The following LANCL2 variants were observed in gnomAD, a reference collection of about 807,000 sequenced individuals.
The protein encoded by LANCL2 is LanC like glutathione S-transferase 2, also known as lanC-like protein 2.
Under a neutral mutation model 56.9 loss-of-function variants are expected in LANCL2, and 33 were observed. The ratio of observed to expected loss-of-function variants is 0.58; its 90% CI spans 0.44 to 0.78. The LOEUF is 0.78. Ranked by LOEUF, LANCL2 falls within the 30% of genes least tolerant of loss-of-function variation. The pLI is 0.00. For missense variants in LANCL2, 562 were observed against 580.2 expected (o/e 0.97, Z 0.32); for synonymous variants, 233 against 228.2 (o/e 1.02, Z -0.19).
chr7:55,393,561 C>CA (rs66917465), intron 2 of LANCL2, among the ~76,000 whole-genome samples: 55 of 150,156 alleles, frequency 3.7e-4, no homozygotes, highest in African/African-American at 9.8e-4. Context: ...AACCAAAAAC[C>CA]AAAAAAAAAC....
At position 55,425,314 on chromosome 7, in the gene LANCL2, C is replaced by T. The variant is rs760000850; in HGVS notation, c.1069C>T (p.Arg357Ter). The T allele has an allele frequency of 1.2e-6, 2 of 1,614,124 alleles. No individual in the cohort carries two copies. Among genetic ancestry groups the T allele is most frequent in the East Asian group, 2.2e-5 (1 of 44,880 alleles). ...GGAGTGTAGCGATGTGATTTGGCAG[C>T]GAGGTTTGCTGCGGAAGGGCTACGG... ...AMECSDVIWQ[R>*]GLLRKGYGIC... Residue 357 changes from arginine (R) to a stop codon, truncating the protein, a stop_gained, in exon 7 of 9, where the codon CGA becomes TGA. Transcript: ENST00000254770. LOFTEE classifies it high-confidence loss of function.
At chr7:55,398,122 AGTAGGAAGTGAT>A (rs1370841274) in intron 2 of LANCL2, among the ~76,000 whole-genome samples, 1 of 152,212 alleles carries the variant, frequency 6.6e-6, no homozygotes, top group Non-Finnish European at 1.5e-5. Context: ...ACTGAGGATG[AGTAGGAAGTGAT>A]GTATCTTCTG....
chr7:55,412,014 C>T lies in LANCL2; in HGVS notation c.933C>T (p.Ser311=), dbSNP rs760925296. 9 of 1,614,078 alleles carry T rather than the reference C, an allele frequency of 5.6e-6. No homozygotes were observed. Among genetic ancestry groups the T allele is most frequent in the Admixed American group, 1.7e-5 (1 of 60,010 alleles). The change falls in exon 6 of 9, where the codon AGC becomes AGT. Residue 311 remains serine, a synonymous_variant. Transcript: ENST00000254770. ...FRSGNYPSSL[S]NETDRLVHWC... ...CTGGGAATTACCCATCATCATTAAG[C>T]AATGAAACAGACCGGCTGGTGCACT...
chr7:55,402,416 G>A (rs1209001852), intron 5 of LANCL2, among the ~76,000 whole-genome samples: 192 of 124,406 alleles, frequency 1.5e-3, no homozygotes, highest in African/African-American at 5.4e-3. Context: ...GCGGCTGGCC[G>A]GGCGGGGGGC....
chr7:55,372,002 C>T (rs1053124539), intron 1 of LANCL2, among the ~76,000 whole-genome samples: 13 of 152,158 alleles, frequency 8.5e-5, no homozygotes, highest in African/African-American at 2.9e-4. Context: ...TAAGCAGTTC[C>T]TCAAAGATTG....
intron 2 of LANCL2, among the ~76,000 whole-genome samples, chr7:55,397,893 A>C (rs377596024): frequency 1.3e-5 from 2 of 151,960 alleles, no homozygotes; most frequent in South Asian, 4.1e-4. Context: ...TGGCGAGTTC[A>C]CTCACCAGTT....
At chr7:55,371,704 A>C (rs1413760450) in intron 1 of LANCL2, among the ~76,000 whole-genome samples, 2 of 152,200 alleles carry the variant, frequency 1.3e-5, no homozygotes, top group Non-Finnish European at 2.9e-5. Flanking sequence ...CACAGAAAAA[A>C]ATCAGGAAAA....
chr7:55,400,187 T>A, intron 4 of LANCL2, 83 bp downstream of exon 4: 1 of 1,191,384 alleles, frequency 8.4e-7, no homozygotes, highest in Non-Finnish European at 1.1e-6. Context: ...CAGCTGGACT[T>A]TACTTCTAGG....
intron 5 of LANCL2, among the ~76,000 whole-genome samples, chr7:55,402,141 C>T (rs1583755261): frequency 6.7e-6 from 1 of 149,672 alleles, no homozygotes. Context: ...CCCCTCACCT[C>T]CCGGACGGGG....
intron 1 of LANCL2, among the ~76,000 whole-genome samples, chr7:55,380,418 T>G (rs902036841): frequency 6.2e-5 from 4 of 64,196 alleles, no homozygotes; most frequent in East Asian, 5.6e-4. Context: ...CTGCATTGTT[T>G]TTTTTTTTTT....
At chr7:55,424,726 TA>T (rs1279084456) in intron 6 of LANCL2, among the ~76,000 whole-genome samples, 1 of 152,202 alleles carries the variant, frequency 6.6e-6, no homozygotes, top group African/African-American at 2.4e-5. Context: ...CGTGGCCTGT[TA>T]GGGACTGGGC....
intron 6 of LANCL2, among the ~76,000 whole-genome samples, chr7:55,418,569 G>A (rs1254631139): frequency 6.6e-6 from 1 of 152,124 alleles, no homozygotes; most frequent in Non-Finnish European, 1.5e-5. Context: ...AGGATTTTCT[G>A]TGTACACATA....
intron 5 of LANCL2, among the ~76,000 whole-genome samples, chr7:55,409,545 T>C (rs1044086166): frequency 6.6e-6 from 1 of 152,176 alleles, no homozygotes; most frequent in Non-Finnish European, 1.5e-5. Flanking sequence ...GAGTGTGGTG[T>C]CTACCACAAC....
chr7:55,365,748 G>A lies in LANCL2; in HGVS notation c.-278G>A. On this transcript the variant is annotated 5_prime_UTR_variant, in exon 1 of 9. Coordinates refer to ENST00000254770, the MANE Select transcript of LANCL2 (RefSeq NM_018697.4). ...GCGCGAGCAGGCTGTGAGCCGCTGG[G>A]CGCTCCCGCGAGCCCGCTCCTCTCC... 3.1e-6 allele frequency: 1 copy of A among 325,322 alleles called. No individual in the cohort carries two copies. The highest frequency in any genetic ancestry group is 5.6e-6 in the Non-Finnish European group (1 of 178,518). 20.2% of individuals were successfully genotyped at this position (325,322 alleles called of 1,614,324 possible).
At chr7:55,412,693 C>A (rs1365767534) in intron 6 of LANCL2, among the ~76,000 whole-genome samples, 1 of 152,210 alleles carries the variant, frequency 6.6e-6, no homozygotes, top group African/African-American at 2.4e-5. Context: ...TAAGATTTAT[C>A]ATTTAAGTTG....
At chr7:55,397,704 A>G (rs1418889583) in intron 2 of LANCL2, among the ~76,000 whole-genome samples, 1 of 136,506 alleles carries the variant, frequency 7.3e-6, no homozygotes, top group Non-Finnish European at 1.5e-5. Context: ...GTCTTCTCGA[A>G]CCCAGATGTA....
chr7:55,426,681 C>T (rs1488677273), intron 7 of LANCL2, among the ~76,000 whole-genome samples: 3 of 152,166 alleles, frequency 2.0e-5, no homozygotes, highest in Non-Finnish European at 2.9e-5. Flanking sequence ...AGGGACAGCT[C>T]GAAATTAAGC....
At chr7:55,388,470 T>A (rs1790150162) in intron 1 of LANCL2, among the ~76,000 whole-genome samples, 1 of 152,090 alleles carries the variant, frequency 6.6e-6, no homozygotes, top group African/African-American at 2.4e-5. Flanking sequence ...GGCTTGAACC[T>A]GGGAGGCAGA....
At chr7:55,417,129 G>A (rs369945321) in intron 6 of LANCL2, among the ~76,000 whole-genome samples, 8 of 151,752 alleles carry the variant, frequency 5.3e-5, no homozygotes, top group South Asian at 2.1e-4. Flanking sequence ...ACAGGCGCCC[G>A]TCACCACGCC....
Sources: gnomAD v4.1 joint callset for allele counts (sites outside exome capture counted in the v4.1 genomes callset) on GRCh38, gnomAD v4.1.1 for gene constraint, MANE v1.5 for transcripts, NCBI Gene and HGNC (gene_info 2026-07-23, HGNC 2026-07-21) for gene names.